Variants in PLPP1 observed in about 807,000 individuals in gnomAD.
PLPP1 encodes the protein phospholipid phosphatase 1.
In PLPP1, 24 loss-of-function variants were observed where a neutral mutation model predicts 31.2. The ratio of observed to expected loss-of-function variants is 0.77; its 90% CI spans 0.56 to 1.08. PLPP1 has a LOEUF of 1.08. Among genes scored for constraint, PLPP1 ranks in the 50% least tolerant of loss-of-function variants. The probability of loss-of-function intolerance (pLI) is 0.00; values close to 1 mark genes in which losing one functional copy is unlikely to be tolerated. For missense variants in PLPP1, 319 were observed against 342.7 expected (o/e 0.93, Z 0.55); for synonymous variants, 146 against 126.3 (o/e 1.16, Z -1.05).
chr5:55,465,139 G>A lies in PLPP1; in HGVS notation c.491+2730C>T, dbSNP rs927373611. 2.0e-5 allele frequency among the ~76,000 whole-genome samples: 3 copies of A among 151,800 alleles called. No homozygotes were observed. The South Asian group carries it at 6.2e-4, about 32-fold the overall frequency. On this transcript the variant is annotated intron_variant, in intron 3 of 5. Coordinates refer to ENST00000307259, the MANE Select transcript of PLPP1 (RefSeq NM_003711.4). ...GCTCACTGCAACCTCTGCCTCCGGGGTTCAAGCGATTCTCCTGCCTCAGCC... is the reference window on the plus strand; with the variant it reads ...GCTCACTGCAACCTCTGCCTCCGGGATTCAAGCGATTCTCCTGCCTCAGCC...
At chr5:55,497,999 G>A (rs1753039468) in intron 1 of PLPP1, among the ~76,000 whole-genome samples, 1 of 149,354 alleles carries the variant, frequency 6.7e-6, no homozygotes, top group African/African-American at 2.5e-5. Flanking sequence ...ACAGAAAGCA[G>A]GTCCACAGGG....
chr5:55,528,349 A>C (rs1309133144), intron 1 of PLPP1, among the ~76,000 whole-genome samples: 1 of 152,246 alleles, frequency 6.6e-6, no homozygotes, highest in Non-Finnish European at 1.5e-5. Flanking sequence ...CTTTGCTCAA[A>C]GGGAACATAT....
intron 4 of PLPP1, among the ~76,000 whole-genome samples, chr5:55,432,809 A>G (rs1041752368): frequency 2.0e-5 from 3 of 152,104 alleles, no homozygotes; most frequent in Non-Finnish European, 4.4e-5. Flanking sequence ...TTAAAAAAAA[A>G]AAAAAACCTG....
chr5:55,461,543 A>G (rs1752153801), intron 3 of PLPP1, among the ~76,000 whole-genome samples: 1 of 152,148 alleles, frequency 6.6e-6, no homozygotes, highest in East Asian at 1.9e-4. Context: ...CAGAAAAAGC[A>G]TGTCACAAAA....
intron 1 of PLPP1, among the ~76,000 whole-genome samples, chr5:55,509,724 C>T (rs895561033): frequency 2.6e-5 from 4 of 152,160 alleles, no homozygotes; most frequent in African/African-American, 9.7e-5. Context: ...TCACTATGGA[C>T]TCTCACATTT....
chr5:55,439,524 T>A (rs1033532209), intron 4 of PLPP1, among the ~76,000 whole-genome samples: 1 of 152,178 alleles, frequency 6.6e-6, no homozygotes, highest in Non-Finnish European at 1.5e-5. Flanking sequence ...CCCTTAAATT[T>A]ATCTAAAGTT....
chr5:55,494,789 C>A (rs1339584195), intron 1 of PLPP1, among the ~76,000 whole-genome samples: 1 of 151,914 alleles, frequency 6.6e-6, no homozygotes, highest in Non-Finnish European at 1.5e-5. Flanking sequence ...CTACCTTTAC[C>A]ATTTTTGTAT....
At chr5:55,440,001 A>G (rs530274933) in intron 4 of PLPP1, among the ~76,000 whole-genome samples, 3 of 152,288 alleles carry the variant, frequency 2.0e-5, no homozygotes, top group Non-Finnish European at 2.9e-5. Context: ...AACCCCACAG[A>G]GCTCACAGAA....
intron 2 of PLPP1, among the ~76,000 whole-genome samples, chr5:55,473,665 T>C (rs937916890): frequency 6.6e-6 from 1 of 152,048 alleles, no homozygotes; most frequent in African/African-American, 2.4e-5. Flanking sequence ...TGTGTGTGTG[T>C]CTGTGTGTTT....
intron 1 of PLPP1, 39 bp downstream of exon 1, chr5:55,534,533 A>T: frequency 6.6e-7 from 1 of 1,518,128 alleles, no homozygotes. Context: ...CTCCCGGGAC[A>T]GCCGCACACG....
At chr5:55,519,436 G>C (rs532255366) in intron 1 of PLPP1, among the ~76,000 whole-genome samples, 1 of 152,278 alleles carries the variant, frequency 6.6e-6, no homozygotes, top group Non-Finnish European at 1.5e-5. Flanking sequence ...TCTCTCAAAA[G>C]TGTGTTTTTT....
chr5:55,510,564 G>C (rs531650824), intron 1 of PLPP1, among the ~76,000 whole-genome samples: 1 of 152,232 alleles, frequency 6.6e-6, no homozygotes, highest in African/African-American at 2.4e-5. Flanking sequence ...TTAAATTTTA[G>C]CTTAAGCCTC....
In PLPP1 at chr5:55,425,303, C is replaced by CTTTCT. The variant is rs1318148518; in HGVS notation, c.753_757dup (p.Arg253LysfsTer89). ...CTCTTTTCTTTCTTTAAAAGAAGTT[C>CTTTCT]TTTCTTTGAAGAAATCCGATACATA... is the stretch of plus-strand genomic sequence containing the variant. On this transcript the variant is annotated frameshift_variant, in exon 6 of 6. Transcript: ENST00000307259. LOFTEE classifies it high-confidence loss of function. The CTTTCT allele has an allele frequency of 6.2e-6, 10 of 1,607,534 alleles. No homozygotes were observed. The highest frequency in any genetic ancestry group is 8.5e-6 in the Non-Finnish European group (10 of 1,174,650).
Position 55,484,351 on chromosome 5 carries a change from T to C in PLPP1, c.59-8901A>G, listed in dbSNP as rs776257043. 4 of 152,114 alleles carry C rather than the reference T, an allele frequency of 2.6e-5. 1 individual carries two copies. Among genetic ancestry groups the C allele is most frequent in the South Asian group, 4.1e-4 (2 of 4,824 alleles). 9.4% of individuals were successfully genotyped at this position (152,114 alleles called of 1,614,324 possible). ...GTAGTTAGAGTTGAGCCCTCCGCTATTGCACTAGGTGCAATAGTCTTGAGT... is the reference window on the plus strand; with the variant it reads ...GTAGTTAGAGTTGAGCCCTCCGCTACTGCACTAGGTGCAATAGTCTTGAGT... On this transcript the variant is annotated intron_variant, in intron 1 of 5. Coordinates refer to ENST00000307259, the MANE Select transcript of PLPP1 (RefSeq NM_003711.4).
intron 3 of PLPP1, among the ~76,000 whole-genome samples, chr5:55,444,185 G>A (rs1751698714): frequency 2.1e-5 from 3 of 139,770 alleles, no homozygotes; most frequent in South Asian, 5.0e-4. Context: ...GGGTTCAAGC[G>A]ATTCTCCTGC....
At chr5:55,430,093 A>G (rs531696880) in intron 4 of PLPP1, among the ~76,000 whole-genome samples, 44 of 152,150 alleles carry the variant, frequency 2.9e-4, no homozygotes, top group Middle Eastern at 6.8e-3. Flanking sequence ...ACCCACATGC[A>G]CCACCTATGG....
In PLPP1 at chr5:55,490,745, C is replaced by T. The variant is rs545350957; in HGVS notation, c.59-15295G>A. Among the ~76,000 whole-genome samples, 45 of 152,274 alleles carry T rather than the reference C, an allele frequency of 3.0e-4. No homozygotes were observed. In the East Asian group the frequency reaches 8.5e-3, roughly 29 times the overall value. ...ATTCAAAAATAATCATTCTATCATT[C>T]TTCAGAATGACATCAAGTTGTTCTG... On this transcript the variant is annotated intron_variant, in intron 1 of 5. Coordinates refer to ENST00000307259, the MANE Select transcript of PLPP1 (RefSeq NM_003711.4).
intron 1 of PLPP1, among the ~76,000 whole-genome samples, chr5:55,497,139 C>T (rs1237468542): frequency 6.6e-6 from 1 of 152,164 alleles, no homozygotes; most frequent in Non-Finnish European, 1.5e-5. Context: ...ATGTCCATCC[C>T]CTCCTTATTC....
chr5:55,471,283 C>G (rs1434136582), intron 2 of PLPP1, among the ~76,000 whole-genome samples: 3 of 151,426 alleles, frequency 2.0e-5, no homozygotes, highest in South Asian at 4.2e-4. Context: ...CTCACTGCAA[C>G]CTCCGCCTCC....
Sources: allele counts gnomAD v4.1 joint callset (sites outside exome capture counted in the v4.1 genomes callset), GRCh38; gene constraint gnomAD v4.1.1; transcripts MANE v1.5; gene names NCBI Gene and HGNC (gene_info 2026-07-23, HGNC 2026-07-21).